PCDHA2: variants seen among roughly 807,000 people sequenced by gnomAD.
PCDHA2 encodes protocadherin alpha-2.
A neutral mutation model predicts 66.0 loss-of-function variants in PCDHA2; 58 were observed. That is an observed-to-expected ratio of 0.88 (90% CI 0.71 to 1.09). The LOEUF (loss-of-function observed/expected upper bound fraction) is 1.09, where lower values mean the gene tolerates loss of function less well. Among genes scored for constraint, PCDHA2 ranks in the 50% least tolerant of loss-of-function variants. PCDHA2 has a pLI of 0.00. For missense variants in PCDHA2, 1,267 were observed against 1,242.3 expected (o/e 1.02, Z -0.30); for synonymous variants, 634 against 554.0 (o/e 1.14, Z -2.03).
At chr5:140,989,153 A>C (rs1409258920) in intron 3 of PCDHA2, among the ~76,000 whole-genome samples, 2 of 152,186 alleles carry the variant, frequency 1.3e-5, no homozygotes, top group Non-Finnish European at 2.9e-5. Flanking sequence ...CTTTTGTTTA[A>C]GAGTGTTGCA....
chr5:140,830,218 C>A, intron 1 of PCDHA2: 2 of 1,613,882 alleles, frequency 1.2e-6, no homozygotes, highest in Non-Finnish European at 1.7e-6. Context: ...CGGTATCCAG[C>A]CTGCTGGTCC....
intron 1 of PCDHA2, chr5:140,802,965 G>A (rs577958641): frequency 6.2e-7 from 1 of 1,613,992 alleles, no homozygotes; most frequent in African/African-American, 1.3e-5. Context: ...TGCGGGCCAC[G>A]TGGTAGCGAA....
Position 141,010,550 on chromosome 5 carries a change from ACC to A in PCDHA2, c.*617_*618del. 3.2e-6 allele frequency: 1 copy of A among 316,712 alleles called. No individual in the cohort carries two copies. The highest frequency in any genetic ancestry group is 5.8e-6 in the Non-Finnish European group (1 of 172,196). The allele number at this position is 316,712 out of a possible 1,614,324, so 19.6% of individuals were successfully genotyped here. ...CAGCCACCCTCTAGGAGACAAAACT[ACC>A]CCCACTGACAAGGCTTTAGGAGACC... On this transcript the variant is annotated 3_prime_UTR_variant, in exon 4 of 4. Transcript: ENST00000526136.
intron 1 of PCDHA2, among the ~76,000 whole-genome samples, chr5:140,820,294 A>G (rs1420774304): frequency 6.6e-6 from 1 of 151,992 alleles, no homozygotes; most frequent in Non-Finnish European, 1.5e-5. Context: ...TATCAGAAAC[A>G]ATTCTATGAC....
rs1008533110 is a variant in PCDHA2 at position 140,836,734 on chromosome 5, A to G, written c.2388+39382A>G. The G allele has an allele frequency of 6.2e-7, 1 of 1,605,696 alleles. No homozygotes were observed. On this transcript the variant is annotated intron_variant, in intron 1 of 3. Transcript: ENST00000526136. ...CTTCCTCAGGGTCCATCCTCTACAG[A>G]CAATGTGAGTCATAAATAATCTTGT...
At position 140,876,973 on chromosome 5, in the gene PCDHA2, G is replaced by A. The variant is rs2056750069; in HGVS notation, c.2388+79621G>A. ...CTCGCTGGTGGAGCGGCGGGTGGGC[G>A]AGCACGCACTGTCGAGCTACGTGTC... is the stretch of plus-strand genomic sequence containing the variant. On this transcript the variant is annotated intron_variant, in intron 1 of 3. Transcript: ENST00000526136. 3 of 1,612,624 alleles carry A rather than the reference G, an allele frequency of 1.9e-6. No individual in the cohort carries two copies. The South Asian group carries it at 3.3e-5, about 18-fold the overall frequency.
chr5:140,927,967 AT>A, intron 1 of PCDHA2: 1 of 1,614,172 alleles, frequency 6.2e-7, no homozygotes, highest in Non-Finnish European at 8.5e-7. Context: ...TGGCACAGTG[AT>A]TGCTCTCTTT....
At chr5:140,930,711 C>G (rs10214249) in intron 1 of PCDHA2, among the ~76,000 whole-genome samples, 2,020 of 152,280 alleles carry the variant, frequency 0.013, 38 homozygotes, top group African/African-American at 0.046. Flanking sequence ...TATTCTTCCT[C>G]AAGTAATGAT....
chr5:140,886,698 C>T (rs578140955), intron 1 of PCDHA2, among the ~76,000 whole-genome samples: 5 of 151,938 alleles, frequency 3.3e-5, no homozygotes, highest in East Asian at 2.0e-4. Flanking sequence ...TGGTGGCACG[C>T]GCCTGTAATC....
intron 1 of PCDHA2, chr5:140,855,836 AC>A (rs1444767908): frequency 1.7e-6 from 1 of 600,200 alleles, no homozygotes; most frequent in Non-Finnish European, 2.9e-6. Flanking sequence ...AATCGTACTT[AC>A]ACCTAAAGCC....
At chr5:140,805,040 C>T in intron 1 of PCDHA2, 1 of 1,587,072 alleles carries the variant, frequency 6.3e-7, no homozygotes, top group Non-Finnish European at 8.5e-7. Flanking sequence ...TAGAGTCAGC[C>T]AAAGTACTTG....
intron 1 of PCDHA2, chr5:140,841,399 G>A: frequency 6.2e-7 from 1 of 1,613,120 alleles, no homozygotes; most frequent in Non-Finnish European, 8.5e-7. Context: ...CCTGGAAGGT[G>A]GGGAGCGGCC....
chr5:140,866,263 T>G (rs1051175533), intron 1 of PCDHA2: 1 of 152,174 alleles, frequency 6.6e-6, no homozygotes, highest in Non-Finnish European at 1.5e-5. Context: ...CTTTCTTTAC[T>G]GTGAATAAAG....
intron 1 of PCDHA2, among the ~76,000 whole-genome samples, chr5:140,837,527 T>C (rs925860882): frequency 1.3e-5 from 2 of 151,856 alleles, no homozygotes; most frequent in African/African-American, 2.4e-5. Flanking sequence ...TTTTTTTGTA[T>C]ATTCCCAAGA....
At chr5:140,870,029 A>T (rs1201766971) in intron 1 of PCDHA2, 4 of 1,613,792 alleles carry the variant, frequency 2.5e-6, no homozygotes, top group Non-Finnish European at 3.4e-6. Flanking sequence ...ACTTTAGATT[A>T]TGAAGAAAAC....
At chr5:140,829,160 T>C (rs2150163172) in intron 1 of PCDHA2, 3 of 1,613,966 alleles carry the variant, frequency 1.9e-6, no homozygotes, top group Non-Finnish European at 2.5e-6. Context: ...TTCCTTATCC[T>C]TGCCTGTACG....
intron 3 of PCDHA2, among the ~76,000 whole-genome samples, chr5:141,007,590 GATA>G (rs1332143320): frequency 4.0e-5 from 6 of 151,858 alleles, no homozygotes; most frequent in Non-Finnish European, 8.8e-5. Context: ...TAATAATCAT[GATA>G]ATAATAAAAG....
At chr5:140,924,697 C>A (rs1443260109) in intron 1 of PCDHA2, among the ~76,000 whole-genome samples, 5 of 151,946 alleles carry the variant, frequency 3.3e-5, no homozygotes, top group Admixed American at 2.6e-4. Context: ...GAGTTCGAGA[C>A]CAGCTTGTGC....
chr5:140,801,372 C>T (rs1554121448), intron 1 of PCDHA2: 1 of 1,613,502 alleles, frequency 6.2e-7, no homozygotes, highest in Admixed American at 1.7e-5. Flanking sequence ...GCTGGCGGAG[C>T]TGGTGCCGCG....
Sources: allele counts gnomAD v4.1 joint callset (sites outside exome capture counted in the v4.1 genomes callset), GRCh38; gene constraint gnomAD v4.1.1; transcripts MANE v1.5; gene names NCBI Gene and HGNC (gene_info 2026-07-23, HGNC 2026-07-21).